The following MACROD2 variants were observed in gnomAD, a reference collection of about 807,000 sequenced individuals.
The protein encoded by MACROD2 is mono-ADP ribosylhydrolase 2, also known as ADP-ribose glycohydrolase MACROD2.
A neutral mutation model predicts 70.4 loss-of-function variants in MACROD2; 36 were observed. The ratio of observed to expected loss-of-function variants is 0.51; its 90% CI spans 0.39 to 0.68. The LOEUF (loss-of-function observed/expected upper bound fraction) is 0.68, where lower values mean the gene tolerates loss of function less well. MACROD2 is among the 30% of genes least tolerant of loss of function. The probability of loss-of-function intolerance (pLI) is 0.00; values close to 1 mark genes in which losing one functional copy is unlikely to be tolerated. For missense variants in MACROD2, 496 were observed against 538.4 expected, an observed-to-expected ratio of 0.92 and a Z score of 0.78; for synonymous variants, 172 against 178.8, an observed-to-expected ratio of 0.96 and a Z score of 0.30.
chr20:15,544,153 C>T (rs1282696232), intron 8 of MACROD2, among the ~76,000 whole-genome samples: 1 of 152,174 alleles, frequency 6.6e-6, no homozygotes, highest in Non-Finnish European at 1.5e-5. Flanking sequence ...AAGGGGCCAT[C>T]ACCTCACAGC....
At chr20:14,231,947 A>G (rs1204594223) in intron 3 of MACROD2, among the ~76,000 whole-genome samples, 1 of 152,126 alleles carries the variant, frequency 6.6e-6, no homozygotes, top group African/African-American at 2.4e-5. Flanking sequence ...TCCTTTGAGA[A>G]GTGTCTGTTC....
chr20:15,032,280 C>T (rs988868456), intron 5 of MACROD2, among the ~76,000 whole-genome samples: 1 of 152,184 alleles, frequency 6.6e-6, no homozygotes, highest in African/African-American at 2.4e-5. Context: ...TCAGGGCTCC[C>T]GCCCCGCCAA....
rs372120712 is a variant in MACROD2, at chr20:14,904,359, C to T, written c.418+219400C>T. On this transcript the variant is annotated intron_variant, in intron 5 of 17. Coordinates refer to ENST00000684519, the MANE Select transcript of MACROD2 (RefSeq NM_001351661.2). ...ATTGGCAGTATTCACTGATTTTATC[C>T]ATATAAAATATCTTTTATGATAGAA... 1.0e-3 allele frequency among the ~76,000 whole-genome samples: 152 copies of T among 152,138 alleles called. 2 individuals are homozygous for T. The highest frequency in any genetic ancestry group is 3.3e-3 in the African/African-American group (138 of 41,500).
At chr20:15,226,308 C>T (rs1458863158) in intron 5 of MACROD2, among the ~76,000 whole-genome samples, 1 of 152,116 alleles carries the variant, frequency 6.6e-6, no homozygotes, top group Non-Finnish European at 1.5e-5. Flanking sequence ...TCTGTCATTC[C>T]TGCCTGTGTG....
chr20:15,461,006 A>ATATATATATAT, intron 7 of MACROD2, among the ~76,000 whole-genome samples: 1 of 66,994 alleles, frequency 1.5e-5, no homozygotes, highest in Non-Finnish European at 3.3e-5. Context: ...ATATATATAT[A>ATATATATATAT]TTTTTTTTTA....
intron 3 of MACROD2, among the ~76,000 whole-genome samples, chr20:14,377,006 G>C (rs879833881): frequency 6.6e-6 from 1 of 152,024 alleles, no homozygotes; most frequent in Non-Finnish European, 1.5e-5. Flanking sequence ...CTGGCACATA[G>C]GAGACATCCA....
intron 3 of MACROD2, among the ~76,000 whole-genome samples, chr20:14,386,678 G>A (rs897827048): frequency 6.6e-6 from 1 of 152,082 alleles, no homozygotes; most frequent in African/African-American, 2.4e-5. Context: ...ATGATTATAA[G>A]TTTCCTAAGG....
At chr20:14,155,552 T>G (rs2055091013) in intron 3 of MACROD2, among the ~76,000 whole-genome samples, 1 of 152,194 alleles carries the variant, frequency 6.6e-6, no homozygotes, top group South Asian at 2.1e-4. Context: ...TAAAAGGGAT[T>G]ATCAGCTTTC....
intron 8 of MACROD2, among the ~76,000 whole-genome samples, chr20:15,504,308 A>G (rs1294736886): frequency 1.3e-5 from 2 of 152,202 alleles, no homozygotes; most frequent in Non-Finnish European, 2.9e-5. Flanking sequence ...GCTGCTGCAC[A>G]CACAGCACAG....
At chr20:15,797,351 G>A (rs4627651) in intron 8 of MACROD2, among the ~76,000 whole-genome samples, 30,695 of 151,906 alleles carry the variant, frequency 0.2, 3,112 homozygotes, top group Non-Finnish European at 0.21. Context: ...TCCTGACCTC[G>A]TGATCCGCCC....
At chr20:14,332,803 C>T (rs1376007912) in intron 3 of MACROD2, among the ~76,000 whole-genome samples, 1 of 152,026 alleles carries the variant, frequency 6.6e-6, no homozygotes, top group Admixed American at 6.6e-5. Flanking sequence ...TCTAGGTAAA[C>T]TGGAATTTAT....
At chr20:14,223,279 T>C (rs561898494) in intron 3 of MACROD2, 3 of 152,306 alleles carry the variant, frequency 2.0e-5, no homozygotes, top group African/African-American at 7.2e-5. Flanking sequence ...ATATCAGCAA[T>C]GTATACAGTC....
intron 2 of MACROD2, among the ~76,000 whole-genome samples, chr20:14,014,954 C>G (rs1163953181): frequency 1.4e-5 from 2 of 144,508 alleles, no homozygotes; most frequent in Non-Finnish European, 3.0e-5. Flanking sequence ...GTGCACACAA[C>G]CATGCCCAGC....
At chr20:16,037,363 T>C (rs1230168384) in intron 15 of MACROD2, among the ~76,000 whole-genome samples, 1 of 151,954 alleles carries the variant, frequency 6.6e-6, no homozygotes, top group East Asian at 1.9e-4. Context: ...CCCATAGTAA[T>C]GTAACCAGGG....
chr20:14,910,221 A>T (rs1323653704), intron 5 of MACROD2, among the ~76,000 whole-genome samples: 2 of 152,182 alleles, frequency 1.3e-5, no homozygotes, highest in Admixed American at 1.3e-4. Context: ...CTATTCTTAT[A>T]TCAGAGTTAA....
At chr20:15,028,129 G>A (rs1420032488) in intron 5 of MACROD2, among the ~76,000 whole-genome samples, 2 of 152,210 alleles carry the variant, frequency 1.3e-5, no homozygotes, top group African/African-American at 4.8e-5. Flanking sequence ...CATTCCTCAG[G>A]CCTAGGGCAC....
intron 3 of MACROD2, among the ~76,000 whole-genome samples, chr20:14,301,121 C>T (rs1352425731): frequency 6.6e-6 from 1 of 152,102 alleles, no homozygotes; most frequent in Non-Finnish European, 1.5e-5. Context: ...CAGAGCAGTT[C>T]CTAATTTACC....
intron 3 of MACROD2, among the ~76,000 whole-genome samples, chr20:14,313,337 C>T (rs1446211297): frequency 3.9e-5 from 6 of 152,134 alleles, no homozygotes; most frequent in Non-Finnish European, 8.8e-5. Context: ...TTTGTTCTGT[C>T]CCAAGTAAGC....
intron 5 of MACROD2, among the ~76,000 whole-genome samples, chr20:14,870,195 A>G (rs910159371): frequency 6.6e-6 from 1 of 152,102 alleles, no homozygotes; most frequent in African/African-American, 2.4e-5. Flanking sequence ...AAGTGAGAAT[A>G]TGTGGTATTT....
Sources: gnomAD v4.1 joint callset for allele counts (sites outside exome capture counted in the v4.1 genomes callset) on GRCh38, gnomAD v4.1.1 for gene constraint, MANE v1.5 for transcripts, NCBI Gene and HGNC (gene_info 2026-07-23, HGNC 2026-07-21) for gene names.